The following NDST3 variants were observed in gnomAD, a reference collection of about 807,000 sequenced individuals.
NDST3 encodes bifunctional heparan sulfate N-deacetylase/N-sulfotransferase 3.
NDST3 carries 58 observed loss-of-function variants against 96.1 expected under a neutral mutation model. That is an observed-to-expected ratio of 0.60 (90% CI 0.49 to 0.75). The LOEUF is 0.75. NDST3 is among the 30% of genes least tolerant of loss of function. The probability of loss-of-function intolerance (pLI) is 0.00; values close to 1 mark genes in which losing one functional copy is unlikely to be tolerated. For synonymous variants in NDST3, 333 were observed against 359.7 expected (o/e 0.93, Z 0.84); for missense variants, 788 against 1,034.2 (o/e 0.76, Z 3.27).
intron 6 of NDST3, among the ~76,000 whole-genome samples, chr4:118,208,036 T>C (rs1738557925): frequency 6.9e-6 from 1 of 144,450 alleles, no homozygotes; most frequent in Admixed American, 6.9e-5. Context: ...TTTAGCTAGT[T>C]CCTAAGATAA....
At position 118,194,938 on chromosome 4, in the gene NDST3, C is replaced by T. The variant is rs571344728; in HGVS notation, c.1540-29553C>T. On this transcript the variant is annotated intron_variant, in intron 6 of 13. Coordinates refer to ENST00000296499, the MANE Select transcript of NDST3 (RefSeq NM_004784.3). Reference sequence around the variant, plus strand: ...TGAAGTCAGGTAATGTGATTCTCTCCAGTTTTGTTCTTTTTGCTCAGGATA... The same window carrying T: ...TGAAGTCAGGTAATGTGATTCTCTCTAGTTTTGTTCTTTTTGCTCAGGATA... Among the ~76,000 whole-genome samples the T allele has an allele frequency of 2.6e-4, 40 of 152,244 alleles. 1 individual carries two copies. The highest frequency in any genetic ancestry group is 4.7e-4 in the Non-Finnish European group (32 of 68,012).
Position 118,193,522 on chromosome 4 carries a change from C to T in NDST3, c.1540-30969C>T, listed in dbSNP as rs1737452241. 7.3e-5 allele frequency: 71 copies of T among 968,160 alleles called. No homozygotes were observed. In the South Asian group the frequency reaches 9.1e-4, roughly 12 times the overall value. 60.0% of individuals were successfully genotyped at this position (968,160 alleles called of 1,614,324 possible). Reference sequence around the variant, plus strand: ...CCTCTGCCTTGGCCTTGTTCTCTTCCTCAGCCAGCCTCTCAAACGTGTTGG... The same window carrying T: ...CCTCTGCCTTGGCCTTGTTCTCTTCTTCAGCCAGCCTCTCAAACGTGTTGG... On this transcript the variant is annotated intron_variant, in intron 6 of 13. Coordinates refer to ENST00000296499, the MANE Select transcript of NDST3 (RefSeq NM_004784.3).
At chr4:118,162,355 C>T (rs1468902354) in intron 6 of NDST3, among the ~76,000 whole-genome samples, 1 of 152,172 alleles carries the variant, frequency 6.6e-6, no homozygotes, top group African/African-American at 2.4e-5. Context: ...AACTATACTA[C>T]AAGGCTACAG....
chr4:118,100,773 A>T (rs1729697468), intron 2 of NDST3, among the ~76,000 whole-genome samples: 1 of 152,184 alleles, frequency 6.6e-6, no homozygotes, highest in Non-Finnish European at 1.5e-5. Flanking sequence ...TTTGTGACCA[A>T]GGGAAAGCCA....
intron 9 of NDST3, among the ~76,000 whole-genome samples, chr4:118,235,746 T>C (rs993097409): frequency 2.0e-5 from 3 of 152,188 alleles, no homozygotes; most frequent in Non-Finnish European, 4.4e-5. Flanking sequence ...AAATAGAATG[T>C]ACACCAGAAC....
intron 9 of NDST3, among the ~76,000 whole-genome samples, chr4:118,235,561 A>G (rs1465673719): frequency 3.3e-5 from 5 of 152,218 alleles, no homozygotes; most frequent in Non-Finnish European, 5.9e-5. Context: ...GGCAGGTTTA[A>G]GAAGCTAAAA....
Position 118,233,024 on chromosome 4 carries a change from T to C in NDST3, c.1832T>C (p.Leu611Ser), listed in dbSNP as rs1740409872. 1.2e-6 allele frequency: 2 copies of C among 1,612,576 alleles called. No individual in the cohort carries two copies. ...ATTGTCTTTCTAGGTACCACTGCTT[T>C]GTATTTGTTCCTGGTTATGCATCCT... ...IGPQKTGTTALYLFLVMHPSI... is the reference protein window; with the variant it reads ...IGPQKTGTTASYLFLVMHPSI... The change falls in exon 9 of 14, where the codon TTG (leucine) becomes TCG (serine). Residue 611 changes from leucine (L) to serine (S), a missense_variant. Leu to Ser is a moderately radical substitution (Grantham distance 145, BLOSUM62 -2). Coordinates refer to ENST00000296499, the MANE Select transcript of NDST3 (RefSeq NM_004784.3).
At chr4:118,077,954 A>G (rs1431707455) in intron 2 of NDST3, among the ~76,000 whole-genome samples, 2 of 152,118 alleles carry the variant, frequency 1.3e-5, no homozygotes, top group Admixed American at 1.3e-4. Context: ...GGTGATTTTC[A>G]GGACAACAGA....
intron 4 of NDST3, among the ~76,000 whole-genome samples, chr4:118,119,440 T>A (rs984377604): frequency 3.3e-5 from 5 of 152,186 alleles, no homozygotes; most frequent in African/African-American, 1.2e-4. Context: ...ATTTTCCTTT[T>A]ATTGACATTG....
intron 1 of NDST3, among the ~76,000 whole-genome samples, chr4:118,041,885 A>G (rs1185340149): frequency 6.6e-6 from 1 of 152,194 alleles, no homozygotes; most frequent in Non-Finnish European, 1.5e-5. Context: ...CAGTCTAACA[A>G]GGAAGACAGA....
chr4:118,140,598 T>C (rs1733496403), intron 5 of NDST3, among the ~76,000 whole-genome samples: 1 of 152,122 alleles, frequency 6.6e-6, no homozygotes. Flanking sequence ...ACTGGGTAAT[T>C]TATAAAGGAA....
chr4:118,247,560 A>AT (rs776287125), intron 12 of NDST3, among the ~76,000 whole-genome samples: 7 of 133,746 alleles, frequency 5.2e-5, no homozygotes, highest in Non-Finnish European at 1.1e-4. Flanking sequence ...CTAAAAAAAA[A>AT]GAAAGAAAGA....
At chr4:118,189,872 T>C (rs934872932) in intron 6 of NDST3, among the ~76,000 whole-genome samples, 11 of 152,292 alleles carry the variant, frequency 7.2e-5, no homozygotes, top group Middle Eastern at 3.4e-3. Flanking sequence ...ATAAAACTTA[T>C]AACTAAATCT....
chr4:118,033,497 G>C (rs1464768688), upstream of NDST3: 1 of 151,958 alleles, frequency 6.6e-6, no homozygotes, highest in Non-Finnish European at 1.5e-5. Context: ...GGGCCGGTCC[G>C]GGCGGGAGCC....
At chr4:118,089,905 A>G (rs1728728730) in intron 2 of NDST3, among the ~76,000 whole-genome samples, 1 of 151,996 alleles carries the variant, frequency 6.6e-6, no homozygotes, top group African/African-American at 2.4e-5. Flanking sequence ...TTGTCAAAGA[A>G]GAAGCCCATG....
chr4:118,134,195 T>C (rs1468683709), intron 4 of NDST3, among the ~76,000 whole-genome samples: 2 of 152,136 alleles, frequency 1.3e-5, no homozygotes, highest in Non-Finnish European at 2.9e-5. Context: ...GGTAGAAAAG[T>C]GCTTGGTGAG....
intron 12 of NDST3, 81 bp from the exon 13 acceptor site, chr4:118,253,418 A>G (rs1308697757): frequency 4.8e-6 from 4 of 829,798 alleles, no homozygotes; most frequent in South Asian, 1.6e-5. Flanking sequence ...TCACTATATC[A>G]TATGTATTGG....
At chr4:118,221,879 T>G (rs1578834933) in intron 6 of NDST3, among the ~76,000 whole-genome samples, 1 of 151,912 alleles carries the variant, frequency 6.6e-6, no homozygotes, top group African/African-American at 2.4e-5. Flanking sequence ...ACTCATAGTG[T>G]GTTTATAGCA....
intron 1 of NDST3, among the ~76,000 whole-genome samples, chr4:118,035,432 T>C (rs903080816): frequency 4.0e-5 from 3 of 75,332 alleles, no homozygotes; most frequent in African/African-American, 9.8e-5. Flanking sequence ...ACACACACTT[T>C]TTTTTTGTTT....
Sources: allele counts gnomAD v4.1 joint callset (sites outside exome capture counted in the v4.1 genomes callset), GRCh38; gene constraint gnomAD v4.1.1; transcripts MANE v1.5; gene names NCBI Gene and HGNC (gene_info 2026-07-23, HGNC 2026-07-21).